The following KPNA4 variants were observed in gnomAD, a reference collection of about 807,000 sequenced individuals.
KPNA4 encodes importin subunit alpha-3.
Under a neutral mutation model 71.3 loss-of-function variants are expected in KPNA4, and 13 were observed. That is an observed-to-expected ratio of 0.18 (90% CI 0.12 to 0.29). The LOEUF (loss-of-function observed/expected upper bound fraction) is 0.29, where lower values mean the gene tolerates loss of function less well. Among genes scored for constraint, KPNA4 ranks in the 10% least tolerant of loss-of-function variants. KPNA4 has a pLI of 1.00. For synonymous variants in KPNA4, 189 were observed against 195.2 expected (o/e 0.97, Z 0.26); for missense variants, 334 against 603.2 (o/e 0.55, Z 4.67).
At chr3:160,516,063 T>C (rs1041253986) in intron 11 of KPNA4, among the ~76,000 whole-genome samples, 1 of 152,208 alleles carries the variant, frequency 6.6e-6, no homozygotes, top group Non-Finnish European at 1.5e-5. Flanking sequence ...CCTGGCTCAC[T>C]GCAACCTCTA....
At chr3:160,515,835 G>A (rs1218164463) in intron 11 of KPNA4, among the ~76,000 whole-genome samples, 5 of 151,890 alleles carry the variant, frequency 3.3e-5, no homozygotes, top group Non-Finnish European at 5.9e-5. Context: ...GGCTGGTCTC[G>A]AACTCCTAGG....
At chr3:160,533,266 C>A (rs756914923) in intron 5 of KPNA4, among the ~76,000 whole-genome samples, 9 of 152,120 alleles carry the variant, frequency 5.9e-5, no homozygotes, top group African/African-American at 9.7e-5. Flanking sequence ...CTCAAGTGAT[C>A]CCCTGGCCTC....
rs745812809 is a variant in KPNA4, at chr3:160,498,086, T to C, written c.*4018A>G. On this transcript the variant is annotated 3_prime_UTR_variant, in exon 17 of 17. Coordinates refer to ENST00000334256, the MANE Select transcript of KPNA4 (RefSeq NM_002268.5). ...AGTATGGGAGTTGAGATGTGGGCTTTATTTGGCCCTTAGTAGCTGTGTGAC... is the reference window on the plus strand; with the variant it reads ...AGTATGGGAGTTGAGATGTGGGCTTCATTTGGCCCTTAGTAGCTGTGTGAC... 1.2e-4 allele frequency: 19 copies of C among 152,150 alleles called. No individual in the cohort carries two copies. The highest frequency in any genetic ancestry group is 2.5e-4 in the Non-Finnish European group (17 of 68,030). 9.4% of individuals were successfully genotyped at this position (152,150 alleles called of 1,614,324 possible). A position where few individuals can be genotyped will look rare whatever the true frequency, so the allele number is the denominator to read the frequency against.
chr3:160,508,572 T>C (rs1034137194), intron 14 of KPNA4, among the ~76,000 whole-genome samples: 3 of 152,168 alleles, frequency 2.0e-5, no homozygotes, highest in African/African-American at 7.2e-5. Context: ...GAGTAAGAAA[T>C]TATGAAATCA....
chr3:160,559,753 C>A (rs1231008024), intron 1 of KPNA4, among the ~76,000 whole-genome samples: 3 of 152,062 alleles, frequency 2.0e-5, no homozygotes, highest in African/African-American at 7.2e-5. Flanking sequence ...ATTCTTCACA[C>A]ACTTCGACCA....
At chr3:160,554,636 C>T (rs1362829342) in intron 1 of KPNA4, among the ~76,000 whole-genome samples, 1 of 152,174 alleles carries the variant, frequency 6.6e-6, no homozygotes, top group Non-Finnish European at 1.5e-5. Context: ...AGAGAATTGG[C>T]ACTTTCAGCC....
At chr3:160,540,887 G>T (rs1301341451) in intron 1 of KPNA4, among the ~76,000 whole-genome samples, 1 of 152,094 alleles carries the variant, frequency 6.6e-6, no homozygotes. Context: ...GATCACTCAG[G>T]TATTTTATAT....
chr3:160,528,449 T>C (rs1577053937), intron 7 of KPNA4, among the ~76,000 whole-genome samples: 1 of 152,174 alleles, frequency 6.6e-6, no homozygotes, highest in East Asian at 1.9e-4. Flanking sequence ...CACTGCAACC[T>C]CTGCCTCCCA....
chr3:160,555,454 T>A (rs1376432171), intron 1 of KPNA4, among the ~76,000 whole-genome samples: 1 of 152,198 alleles, frequency 6.6e-6, no homozygotes, highest in South Asian at 2.1e-4. Flanking sequence ...AAGCTGCAGA[T>A]AGTACTGAAC....
At chr3:160,524,203 TCA>T (rs1385896618) in intron 10 of KPNA4, among the ~76,000 whole-genome samples, 1 of 152,134 alleles carries the variant, frequency 6.6e-6, no homozygotes, top group African/African-American at 2.4e-5. Flanking sequence ...GAAAATGGAG[TCA>T]CAGTCTCATC....
intron 1 of KPNA4, among the ~76,000 whole-genome samples, chr3:160,543,183 CCTAGTATATGGTTATA>C (rs1406805841): frequency 6.6e-6 from 1 of 152,104 alleles, no homozygotes; most frequent in Non-Finnish European, 1.5e-5. Flanking sequence ...AGGATGATTT[CCTAGTATATGGTTATA>C]CTACTCTACT....
intron 15 of KPNA4, among the ~76,000 whole-genome samples, chr3:160,506,600 A>ACAAT (rs1024313636): frequency 6.6e-6 from 1 of 152,188 alleles, no homozygotes; most frequent in Non-Finnish European, 1.5e-5. Flanking sequence ...CTCCTATGGC[A>ACAAT]CAATCCACTG....
intron 1 of KPNA4, among the ~76,000 whole-genome samples, chr3:160,543,445 A>T (rs1056513458): frequency 6.6e-6 from 1 of 151,006 alleles, no homozygotes; most frequent in Middle Eastern, 3.2e-3. Flanking sequence ...GGTTCAAGTG[A>T]TCCTCCTGCC....
At chr3:160,504,281 A>G (rs1365603580) in intron 16 of KPNA4, among the ~76,000 whole-genome samples, 2 of 152,204 alleles carry the variant, frequency 1.3e-5, no homozygotes, top group Non-Finnish European at 2.9e-5. Flanking sequence ...ATAATATGGA[A>G]AGGCATGCAG....
intron 1 of KPNA4, 86 bp downstream of exon 1, chr3:160,565,128 G>A (rs1722319424): frequency 1.7e-6 from 2 of 1,146,894 alleles, no homozygotes; most frequent in Non-Finnish European, 2.6e-6. Context: ...GGCGGCTCCC[G>A]CCCCTAATCC....
chr3:160,505,244 C>T (rs721022), intron 15 of KPNA4, among the ~76,000 whole-genome samples, 192 bp from the exon 16 acceptor site: 92,517 of 151,982 alleles, frequency 0.61, 28,896 homozygotes, highest in African/African-American at 0.71. Context: ...ATCTTAAAAT[C>T]AACAACCTGA....
At chr3:160,550,345 A>AATCCTGGG (rs1313650120) in intron 1 of KPNA4, among the ~76,000 whole-genome samples, 1 of 152,158 alleles carries the variant, frequency 6.6e-6, no homozygotes, top group Non-Finnish European at 1.5e-5. Context: ...TCAGTCTCAA[A>AATCCTGGG]ATCCTGGGCT....
chr3:160,496,909 C>T lies in KPNA4; in HGVS notation c.*5195G>A, dbSNP rs1471800862. The T allele has an allele frequency of 6.6e-6, 1 of 152,144 alleles. No individual in the cohort carries two copies. Among genetic ancestry groups the T allele is most frequent in the African/African-American group, 2.4e-5 (1 of 41,424 alleles). The allele number at this position is 152,144 out of a possible 1,614,324, so 9.4% of individuals were successfully genotyped here. A position where few individuals can be genotyped will look rare whatever the true frequency, so the allele number is the denominator to read the frequency against. Reference sequence around the variant, plus strand: ...ACTTGGACATCCTGAGTCAAACTGCCATCACCTAAAGGGCCTGGATTTAAA... The same window carrying T: ...ACTTGGACATCCTGAGTCAAACTGCTATCACCTAAAGGGCCTGGATTTAAA... On this transcript the variant is annotated 3_prime_UTR_variant, in exon 17 of 17. Transcript: ENST00000334256.
Position 160,501,949 on chromosome 3 carries a change from T to C in KPNA4, c.*155A>G, listed in dbSNP as rs1328256656. ...TGTGATTCCAAATGAAATCTTCACA[T>C]TTTCTTTCCCGATTTAATGCAGCAG... On this transcript the variant is annotated 3_prime_UTR_variant, in exon 17 of 17. Coordinates refer to ENST00000334256, the MANE Select transcript of KPNA4 (RefSeq NM_002268.5). 3.7e-6 allele frequency: 1 copy of C among 271,228 alleles called. No homozygotes were observed. The highest frequency in any genetic ancestry group is 7.1e-5 in the East Asian group (1 of 14,024). The allele number at this position is 271,228 out of a possible 1,614,324, so 16.8% of individuals were successfully genotyped here.
Sources: gnomAD v4.1 joint callset for allele counts (sites outside exome capture counted in the v4.1 genomes callset) on GRCh38, gnomAD v4.1.1 for gene constraint, MANE v1.5 for transcripts, NCBI Gene and HGNC (gene_info 2026-07-23, HGNC 2026-07-21) for gene names.